FBXO7: variants seen among roughly 807,000 people sequenced by gnomAD.
FBXO7 encodes the protein F-box only protein 7.
In FBXO7, 31 loss-of-function variants were observed where a neutral mutation model predicts 50.2. The ratio of observed to expected loss-of-function variants is 0.62; its 90% confidence interval spans 0.46 to 0.83. The LOEUF is 0.83. Ranked by LOEUF, FBXO7 falls within the 40% of genes least tolerant of loss-of-function variation. FBXO7 has a pLI of 0.00. For synonymous variants in FBXO7, 256 were observed against 253.1 expected, an observed-to-expected ratio of 1.01 and a Z score of -0.11; for missense variants, 667 against 646.6, an observed-to-expected ratio of 1.03 and a Z score of -0.34.
At chr22:32,479,789 T>C (rs1410629429) in intron 2 of FBXO7, among the ~76,000 whole-genome samples, 1 of 152,180 alleles carries the variant, frequency 6.6e-6, no homozygotes, top group East Asian at 1.9e-4. Context: ...GTCTGTCTGT[T>C]TTGTTCACAT....
At chr22:32,484,507 T>C (rs972366382) in intron 3 of FBXO7, among the ~76,000 whole-genome samples, 4 of 152,204 alleles carry the variant, frequency 2.6e-5, no homozygotes, top group African/African-American at 9.6e-5. Flanking sequence ...AGTGCACACC[T>C]GCAGCATGCC....
At position 32,498,382 on chromosome 22, in the gene FBXO7, A is replaced by G. The variant is rs767818935; in HGVS notation, c.1421A>G (p.Gln474Arg). The G allele has an allele frequency of 5.0e-6, 8 of 1,614,158 alleles. No homozygotes were observed. The highest frequency in any genetic ancestry group is 6.8e-6 in the Non-Finnish European group (8 of 1,180,036). Reference sequence around the variant, plus strand: ...CCTGGTCCTGGGGAGACGCCCAGCCAGTTTCCTCCACTGAGACCACGCTTT... The same window carrying G: ...CCTGGTCCTGGGGAGACGCCCAGCCGGTTTCCTCCACTGAGACCACGCTTT... ...LIPGPGETPS[Q>R]FPPLRPRFDP... The change falls in exon 9 of 9, where the codon CAG (glutamine) becomes CGG (arginine). Residue 474 changes from glutamine (Q) to arginine (R), a missense_variant. By Grantham distance (43) the Gln-to-Arg change is conservative (BLOSUM62 1). Coordinates refer to ENST00000266087, the MANE Select transcript of FBXO7 (RefSeq NM_012179.4).
chr22:32,497,979 C>G (rs1171310944), intron 8 of FBXO7, among the ~76,000 whole-genome samples, 165 bp from the exon 9 acceptor site: 1 of 152,122 alleles, frequency 6.6e-6, no homozygotes, highest in Non-Finnish European at 1.5e-5. Context: ...CACTGGGAAA[C>G]CAAAAAAATT....
intron 4 of FBXO7, 87 bp downstream of exon 4, chr22:32,485,296 C>A: frequency 6.6e-7 from 1 of 1,514,226 alleles, no homozygotes; most frequent in Non-Finnish European, 9.2e-7. Context: ...CAGTGATTGG[C>A]TATCATGATA....
intron 4 of FBXO7, among the ~76,000 whole-genome samples, chr22:32,486,112 ACTC>A (rs1471594150): frequency 6.6e-6 from 1 of 151,838 alleles, no homozygotes; most frequent in Non-Finnish European, 1.5e-5. Context: ...TTCTGTAGCT[ACTC>A]CTTTCTGCTG....
intron 5 of FBXO7, chr22:32,489,049 A>T (rs1472756388): frequency 1.3e-5 from 2 of 152,142 alleles, no homozygotes; most frequent in Non-Finnish European, 2.9e-5. Context: ...TGACCTTGTG[A>T]TCTGCCCGCC....
chr22:32,479,304 A>G, intron 2 of FBXO7, 29 bp downstream of exon 2: 3 of 1,609,710 alleles, frequency 1.9e-6, no homozygotes, highest in Non-Finnish European at 2.6e-6. Flanking sequence ...TATATCAAAT[A>G]GAGTAGGTGA....
At position 32,494,358 on chromosome 22, in the gene FBXO7, T is replaced by C. The variant is rs544065928; in HGVS notation, c.1144+1077T>C. ...TAATTCAATTTTATTTATTTGTGTATTTTTGAGACAGGGTCTAGTTGTGTT... is the reference window on the plus strand; with the variant it reads ...TAATTCAATTTTATTTATTTGTGTACTTTTGAGACAGGGTCTAGTTGTGTT... On this transcript the variant is annotated intron_variant, in intron 7 of 8. Transcript: ENST00000266087. 2.0e-5 allele frequency among the ~76,000 whole-genome samples: 3 copies of C among 152,232 alleles called. No homozygotes were observed. The East Asian group carries it at 5.8e-4, about 29-fold the overall frequency.
chr22:32,481,242 C>T (rs577732786), intron 2 of FBXO7, among the ~76,000 whole-genome samples: 7 of 152,204 alleles, frequency 4.6e-5, no homozygotes, highest in African/African-American at 1.7e-4. Flanking sequence ...ATTGTTTTAT[C>T]TGTGTGTTTC....
intron 7 of FBXO7, among the ~76,000 whole-genome samples, chr22:32,495,098 T>A (rs2057564094): frequency 6.6e-6 from 1 of 152,178 alleles, no homozygotes; most frequent in African/African-American, 2.4e-5. Context: ...ACACAGAAGC[T>A]CAGAGGTTGT....
Position 32,498,304 on chromosome 22 carries a change from A to T in FBXO7, c.1343A>T (p.Tyr448Phe). 6.2e-7 allele frequency: 1 copy of T among 1,614,084 alleles called. No homozygotes were observed. Among genetic ancestry groups the T allele is most frequent in the Non-Finnish European group, 8.5e-7 (1 of 1,180,010 alleles). Residue 448 changes from tyrosine (Y) to phenylalanine (F), a missense_variant, in exon 9 of 9, where the codon TAT becomes TTT. Physicochemically the swap from Tyr to Phe is conservative, Grantham distance 22. Coordinates refer to ENST00000266087, the MANE Select transcript of FBXO7 (RefSeq NM_012179.4). Reference protein sequence around the residue: ...RLPPGIIGGEYDQRPTLPYVG... With the variant: ...RLPPGIIGGEFDQRPTLPYVG... ...CCTCCAGGAATTATCGGGGGTGAAT[A>T]TGACCAAAGACCAACACTTCCCTAT... is the stretch of plus-strand genomic sequence containing the variant.
At chr22:32,477,363 T>C (rs2057435738) in intron 1 of FBXO7, among the ~76,000 whole-genome samples, 1 of 152,254 alleles carries the variant, frequency 6.6e-6, no homozygotes, top group South Asian at 2.1e-4. Flanking sequence ...AAAAAAGTAA[T>C]GAAATTAGCA....
At chr22:32,487,537 T>G in intron 4 of FBXO7, 1 of 493,776 alleles carries the variant, frequency 2.0e-6, no homozygotes, top group Non-Finnish European at 3.7e-6. Flanking sequence ...TTTTTAAAGG[T>G]GGTGTTGTAG....
At chr22:32,485,701 G>A (rs540706224) in intron 4 of FBXO7, among the ~76,000 whole-genome samples, 1 of 152,244 alleles carries the variant, frequency 6.6e-6, no homozygotes, top group East Asian at 1.9e-4. Context: ...GTTTACTGGG[G>A]CCTTAGTAAG....
Position 32,483,961 on chromosome 22 carries a change from C to T in FBXO7, c.482C>T (p.Thr161Ile). The T allele has an allele frequency of 6.2e-7, 1 of 1,614,178 alleles. No homozygotes were observed. The highest frequency in any genetic ancestry group is 8.5e-7 in the Non-Finnish European group (1 of 1,180,022). The stretch of plus-strand genomic sequence containing the variant: ...GATAATGCGCATATGGCAGAGGGCA[C>T]AGGTTTCTATCCCTCAGAACCCATG... ...IQDNAHMAEG[T>I]GFYPSEPMLC... The change falls in exon 3 of 9, where the codon ACA becomes ATA. Residue 161 changes from threonine (T) to isoleucine (I), a missense_variant. Coordinates refer to ENST00000266087, the MANE Select transcript of FBXO7 (RefSeq NM_012179.4).
Position 32,498,748 on chromosome 22 carries a change from A to G in FBXO7, c.*218A>G, listed in dbSNP as rs953815615. 11 of 592,916 alleles carry G rather than the reference A, an allele frequency of 1.9e-5. No individual in the cohort carries two copies. The highest frequency in any genetic ancestry group is 9.3e-5 in the African/African-American group (5 of 53,708). 36.7% of individuals were successfully genotyped at this position (592,916 alleles called of 1,614,324 possible). A position where few individuals can be genotyped will look rare whatever the true frequency, so the allele number is the denominator to read the frequency against. On this transcript the variant is annotated 3_prime_UTR_variant, in exon 9 of 9. Transcript: ENST00000266087. Reference sequence around the variant, plus strand: ...TGGCCTTGGGAATAGTTGGCTGCCAATCTCCCTGCTCTTGGTTCTCCTCTA... The same window carrying G: ...TGGCCTTGGGAATAGTTGGCTGCCAGTCTCCCTGCTCTTGGTTCTCCTCTA...
intron 2 of FBXO7, among the ~76,000 whole-genome samples, chr22:32,480,912 C>T (rs1030515030): frequency 6.6e-6 from 1 of 152,304 alleles, no homozygotes. Flanking sequence ...GTGACCTGCC[C>T]ACCTTGGCCA....
Position 32,479,021 on chromosome 22 carries a change from C to A in FBXO7, c.163C>A (p.Pro55Thr). The A allele has an allele frequency of 6.2e-6, 10 of 1,614,196 alleles. No individual in the cohort carries two copies. Among genetic ancestry groups the A allele is most frequent in the Non-Finnish European group, 8.5e-6 (10 of 1,180,014 alleles). Reference protein sequence around the residue: ...RFTITLNYKDPLTGDEETLAS... With the variant: ...RFTITLNYKDTLTGDEETLAS... ...TACAATTACATTGAACTACAAGGAT[C>A]CCCTCACTGGAGATGAAGAGACCTT... The change falls in exon 2 of 9, where the codon CCC becomes ACC. Residue 55 changes from proline to threonine, a missense_variant. Transcript: ENST00000266087.
chr22:32,484,937 T>G, intron 3 of FBXO7, 131 bp from the exon 4 acceptor site: 1 of 961,110 alleles, frequency 1.0e-6, no homozygotes, highest in Non-Finnish European at 1.7e-6. Flanking sequence ...ATGTTAATGA[T>G]TTGATGCATT....
Sources: gnomAD v4.1 joint callset for allele counts (sites outside exome capture counted in the v4.1 genomes callset) on GRCh38, gnomAD v4.1.1 for gene constraint, MANE v1.5 for transcripts, NCBI Gene and HGNC (gene_info 2026-07-23, HGNC 2026-07-21) for gene names.